ZNF383: variants seen among roughly 807,000 people sequenced by gnomAD.
The protein encoded by ZNF383 is zinc finger protein 383.
Under a neutral mutation model 44.2 loss-of-function variants are expected in ZNF383, and 32 were observed. The observed-to-expected ratio is 0.72, with a 90% CI of 0.55 to 0.97. The LOEUF (loss-of-function observed/expected upper bound fraction) is 0.97. Ranked by LOEUF, ZNF383 falls within the 50% of genes least tolerant of loss-of-function variation. ZNF383 has a pLI of 0.00. For synonymous variants in ZNF383, 155 were observed against 186.2 expected (o/e 0.83, Z 1.36); for missense variants, 487 against 562.5 (o/e 0.87, Z 1.36).
chr19:37,235,987 A>T lies in ZNF383; in HGVS notation c.145A>T (p.Thr49Ser). Residue 49 changes from threonine (T) to serine (S), a missense_variant, in exon 5 of 6, where the codon ACT (threonine) becomes TCT (serine). Physicochemically the swap from Thr to Ser is moderately conservative, Grantham distance 58. Coordinates refer to ENST00000684119, the MANE Select transcript of ZNF383 (RefSeq NM_001387601.1). ...YGNLVSMGLY[T>S]PKPQVISLLE... ...TCTTTTCTCGTGAGCAGGACTTTAC[A>T]CTCCTAAGCCTCAAGTGATCTCCTT... The T allele has an allele frequency of 6.2e-7, 1 of 1,612,118 alleles. No homozygotes were observed. The highest frequency in any genetic ancestry group is 1.1e-5 in the South Asian group (1 of 90,912).
intron 5 of ZNF383, among the ~76,000 whole-genome samples, chr19:37,236,632 C>T (rs751438705): frequency 2.7e-5 from 4 of 149,926 alleles, no homozygotes; most frequent in South Asian, 2.1e-4. Flanking sequence ...GTGCAGGGTG[C>T]GATCTTGGTT....
intron 5 of ZNF383, 122 bp downstream of exon 5, chr19:37,236,196 A>G (rs1439282567): frequency 8.0e-6 from 5 of 622,826 alleles, no homozygotes; most frequent in Non-Finnish European, 1.4e-5. Context: ...AGGCCAGTGG[A>G]GAAAATGAAG....
intron 1 of ZNF383, among the ~76,000 whole-genome samples, chr19:37,218,785 G>T (rs1040281783): frequency 4.6e-5 from 7 of 152,110 alleles, no homozygotes; most frequent in Admixed American, 2.6e-4. Flanking sequence ...CTGTGTCTGC[G>T]GTTGGAAAGT....
Position 37,242,825 on chromosome 19 carries a change from T to C in ZNF383, c.589T>C (p.Ser197Pro). The C allele has an allele frequency of 6.2e-7, 1 of 1,613,906 alleles. No individual in the cohort carries two copies. The highest frequency in any genetic ancestry group is 8.5e-7 in the Non-Finnish European group (1 of 1,179,974). Residue 197 changes from serine (S) to proline (P), a missense_variant, in exon 6 of 6, where the codon TCT (serine) becomes CCT (proline). By Grantham distance (74) the Ser-to-Pro change is moderately conservative (BLOSUM62 -1). Coordinates refer to ENST00000684119, the MANE Select transcript of ZNF383 (RefSeq NM_001387601.1). ...QHQRIHIGEK[S>P]YECKECGKFF... ...TCAGAGAATTCATATTGGTGAAAAATCTTATGAATGTAAAGAGTGTGGGAA... is the reference window on the plus strand; with the variant it reads ...TCAGAGAATTCATATTGGTGAAAAACCTTATGAATGTAAAGAGTGTGGGAA...
Position 37,235,577 on chromosome 19 carries a change from T to C in ZNF383, c.38T>C (p.Ile13Thr), listed in dbSNP as rs1973749380. 3.1e-6 allele frequency: 5 copies of C among 1,613,988 alleles called. No homozygotes were observed. Among genetic ancestry groups the C allele is most frequent in the African/African-American group, 1.3e-5 (1 of 74,920 alleles). ...EGSVMFSDVS[I>T]DFSQEEWDCL... ...TCAGTGATGTTCAGTGATGTGTCCA[T>C]AGACTTCTCTCAGGAGGAGTGGGAC... The change falls in exon 4 of 6, where the codon ATA (isoleucine) becomes ACA (threonine). Residue 13 changes from isoleucine to threonine, a missense_variant. Coordinates refer to ENST00000684119, the MANE Select transcript of ZNF383 (RefSeq NM_001387601.1).
intron 2 of ZNF383, among the ~76,000 whole-genome samples, chr19:37,228,784 CA>C (rs879372875): frequency 5.3e-5 from 8 of 152,006 alleles, no homozygotes; most frequent in Non-Finnish European, 1.0e-4. Flanking sequence ...TAGATGGAAA[CA>C]AGCCACTAAT....
At chr19:37,223,807 G>T (rs1239709457) in intron 1 of ZNF383, among the ~76,000 whole-genome samples, 1 of 152,076 alleles carries the variant, frequency 6.6e-6, no homozygotes, top group Non-Finnish European at 1.5e-5. Context: ...GCCCAGGCTG[G>T]TGGATCACGA....
At chr19:37,221,311 G>A (rs1231524315) in intron 1 of ZNF383, among the ~76,000 whole-genome samples, 1 of 152,104 alleles carries the variant, frequency 6.6e-6, no homozygotes, top group Non-Finnish European at 1.5e-5. Flanking sequence ...GGCCAGGCAT[G>A]GTGACTCATG....
chr19:37,243,432 G>A lies in ZNF383; in HGVS notation c.1196G>A (p.Cys399Tyr). ...AGEKPFECLE[C>Y]GKAFTQNSQL... ...GAGAAACCCTTTGAATGTCTTGAAT[G>A]TGGGAAGGCCTTTACTCAGAACTCA... Residue 399 changes from cysteine (C) to tyrosine (Y), a missense_variant, in exon 6 of 6, where the codon TGT (cysteine) becomes TAT (tyrosine). Cys to Tyr is a radical substitution (Grantham distance 194). Coordinates refer to ENST00000684119, the MANE Select transcript of ZNF383 (RefSeq NM_001387601.1). The A allele has an allele frequency of 6.2e-7, 1 of 1,614,192 alleles. No individual in the cohort carries two copies. The highest frequency in any genetic ancestry group is 1.7e-5 in the Admixed American group (1 of 60,034).
chr19:37,248,625 G>T lies in ZNF383; in HGVS notation c.*4961G>T, dbSNP rs2145561156. ...GATTGCAAAAGTTCAAATAACTAAA[G>T]TTCTGTCAATGAAAATATATGCTCT... On this transcript the variant is annotated 3_prime_UTR_variant, in exon 6 of 6. Transcript: ENST00000684119. 1 of 152,256 alleles carries T rather than the reference G, an allele frequency of 6.6e-6. No homozygotes were observed. The highest frequency in any genetic ancestry group is 2.4e-5 in the African/African-American group (1 of 41,558). The allele number at this position is 152,256 out of a possible 1,614,324, so 9.4% of individuals were successfully genotyped here.
intron 3 of ZNF383, 116 bp from the exon 4 acceptor site, chr19:37,235,433 A>T: frequency 1.0e-6 from 1 of 989,688 alleles, no homozygotes. Context: ...CTAAAGATAC[A>T]GGTTCTCAGT....
chr19:37,235,513 T>A (rs1204483777), intron 3 of ZNF383, 36 bp from the exon 4 acceptor site: 12 of 1,612,564 alleles, frequency 7.4e-6, no homozygotes, highest in Non-Finnish European at 1.0e-5. Flanking sequence ...TACATTTTTT[T>A]AATTACACAA....
chr19:37,235,506 A>AT, intron 3 of ZNF383, 43 bp from the exon 4 acceptor site: 1 of 1,610,108 alleles, frequency 6.2e-7, no homozygotes, highest in Non-Finnish European at 8.5e-7. Flanking sequence ...TCTCTGATAC[A>AT]TTTTTTTAAT....
At chr19:37,221,616 C>G (rs1599778186) in intron 1 of ZNF383, among the ~76,000 whole-genome samples, 1 of 151,406 alleles carries the variant, frequency 6.6e-6, no homozygotes, top group East Asian at 2.0e-4. Context: ...CTGAAAAGTA[C>G]AAAATCAAGG....
At chr19:37,228,362 T>C (rs1007166937) in intron 2 of ZNF383, among the ~76,000 whole-genome samples, 1 of 151,770 alleles carries the variant, frequency 6.6e-6, no homozygotes, top group Non-Finnish European at 1.5e-5. Flanking sequence ...TAGGTTATAA[T>C]TGTAGAACAA....
At chr19:37,236,994 C>CACAG (rs1414836772) in intron 5 of ZNF383, among the ~76,000 whole-genome samples, 7 of 142,254 alleles carry the variant, frequency 4.9e-5, no homozygotes, top group Admixed American at 3.5e-4. Flanking sequence ...CACACACACA[C>CACAG]AGAGACACAC....
chr19:37,233,204 C>T (rs903329965), intron 3 of ZNF383, among the ~76,000 whole-genome samples: 1 of 151,958 alleles, frequency 6.6e-6, no homozygotes, highest in African/African-American at 2.4e-5. Context: ...TATCTCAGCT[C>T]ACTGCAAGCT....
At chr19:37,229,646 ATGTATATATATGTG>A (rs1973363960) in intron 2 of ZNF383, among the ~76,000 whole-genome samples, 2 of 143,990 alleles carry the variant, frequency 1.4e-5, no homozygotes, top group African/African-American at 5.2e-5. Flanking sequence ...ATATATATAT[ATGTATATATATGTG>A]TGTATATATA....
intron 1 of ZNF383, among the ~76,000 whole-genome samples, chr19:37,220,727 T>C (rs1972883314): frequency 1.3e-5 from 2 of 152,176 alleles, no homozygotes; most frequent in Non-Finnish European, 2.9e-5. Context: ...AATAAACTTA[T>C]CCTACCTCCC....
Sources: gnomAD v4.1 joint callset for allele counts (sites outside exome capture counted in the v4.1 genomes callset) on GRCh38, gnomAD v4.1.1 for gene constraint, MANE v1.5 for transcripts, NCBI Gene and HGNC (gene_info 2026-07-23, HGNC 2026-07-21) for gene names.